The following VTI1A variants were observed in gnomAD, a reference collection of about 807,000 sequenced individuals.
VTI1A encodes vesicle transport through interaction with t-SNAREs homolog 1A.
Under a neutral mutation model 34.9 loss-of-function variants are expected in VTI1A, and 22 were observed. The observed-to-expected ratio is 0.63, with a 90% CI of 0.45 to 0.90. The LOEUF (loss-of-function observed/expected upper bound fraction) is 0.90, where lower values mean the gene tolerates loss of function less well. Ranked by LOEUF, VTI1A falls within the 40% of genes least tolerant of loss-of-function variation. VTI1A has a pLI of 0.00. For missense variants in VTI1A, 268 were observed against 275.6 expected (o/e 0.97, Z 0.20); for synonymous variants, 87 against 97.3 (o/e 0.89, Z 0.62).
chr10:112,667,277 C>T (rs573537637), intron 5 of VTI1A, among the ~76,000 whole-genome samples: 25 of 152,000 alleles, frequency 1.6e-4, no homozygotes, highest in Non-Finnish European at 2.9e-4. Context: ...AGATGTAGAA[C>T]AAGGTAGTCA....
chr10:112,532,164 A>C (rs1040851505), intron 4 of VTI1A, among the ~76,000 whole-genome samples: 1 of 152,204 alleles, frequency 6.6e-6, no homozygotes, highest in Non-Finnish European at 1.5e-5. Context: ...GAAATAACAG[A>C]ATAAGCTGGA....
intron 7 of VTI1A, among the ~76,000 whole-genome samples, chr10:112,749,699 A>C (rs1418401832): frequency 6.6e-6 from 1 of 152,232 alleles, no homozygotes; most frequent in East Asian, 1.9e-4. Context: ...TTAGCAAATA[A>C]TACATATAGG....
intron 3 of VTI1A, among the ~76,000 whole-genome samples, chr10:112,496,265 G>A (rs918258977): frequency 3.7e-5 from 5 of 136,876 alleles, no homozygotes; most frequent in Non-Finnish European, 7.6e-5. Flanking sequence ...CATAGTTGTT[G>A]AAGTATTTAC....
chr10:112,637,224 ATGT>A (rs1846388676), intron 5 of VTI1A, among the ~76,000 whole-genome samples: 1 of 152,106 alleles, frequency 6.6e-6, no homozygotes, highest in Non-Finnish European at 1.5e-5. Context: ...TACTTTTATG[ATGT>A]TTATTCATTG....
chr10:112,751,659 G>A (rs1364896812), intron 7 of VTI1A, among the ~76,000 whole-genome samples: 1 of 152,026 alleles, frequency 6.6e-6, no homozygotes, highest in East Asian at 1.9e-4. Flanking sequence ...CAATAAAGGG[G>A]ATAAAATTGT....
intron 3 of VTI1A, among the ~76,000 whole-genome samples, chr10:112,471,367 A>ATTTTTTTTTTTTTTTTTTT (rs576549183): frequency 1.1e-5 from 1 of 94,398 alleles, no homozygotes; most frequent in Non-Finnish European, 2.1e-5. Flanking sequence ...ATTCTTATTG[A>ATTTTTTTTTTTTTTTTTTT]TTTTTTTTTT....
rs150800689 is a variant in VTI1A, at chr10:112,719,327, T to A, written c.560+50329T>A. On this transcript the variant is annotated intron_variant, in intron 7 of 7. Transcript: ENST00000393077. Reference sequence around the variant, plus strand: ...AGCAGTTGAATGTACAAAGCAATTATCCACATAAAATGCTATTATACAAAC... The same window carrying A: ...AGCAGTTGAATGTACAAAGCAATTAACCACATAAAATGCTATTATACAAAC... Among the ~76,000 whole-genome samples the A allele has an allele frequency of 2.2e-4, 34 of 152,356 alleles. No homozygotes were observed. The East Asian group carries it at 2.7e-3, about 12-fold the overall frequency.
At chr10:112,666,133 C>G (rs1847632183) in intron 5 of VTI1A, among the ~76,000 whole-genome samples, 1 of 152,038 alleles carries the variant, frequency 6.6e-6, no homozygotes, top group African/African-American at 2.4e-5. Context: ...CAGTTGTTTC[C>G]TCCTTCTCCA....
At chr10:112,669,108 G>T in intron 7 of VTI1A, 110 bp downstream of exon 7, 1 of 1,271,500 alleles carries the variant, frequency 7.9e-7, no homozygotes, top group Non-Finnish European at 1.1e-6. Flanking sequence ...TCTGCTCTTA[G>T]TACCCTGTGC....
intron 7 of VTI1A, among the ~76,000 whole-genome samples, chr10:112,786,985 T>C (rs1207750104): frequency 6.6e-6 from 1 of 152,210 alleles, no homozygotes; most frequent in Non-Finnish European, 1.5e-5. Context: ...ACAGTATTAT[T>C]TCTTTCATAA....
intron 7 of VTI1A, among the ~76,000 whole-genome samples, chr10:112,814,389 C>G (rs948286480): frequency 6.6e-6 from 1 of 152,162 alleles, no homozygotes; most frequent in Non-Finnish European, 1.5e-5. Context: ...TCTGTGAGAG[C>G]GAGCGTGGGC....
chr10:112,852,261 C>T, the VTI1A span, among the ~76,000 whole-genome samples: 3 of 152,138 alleles, frequency 2.0e-5, no homozygotes, highest in African/African-American at 7.2e-5. Flanking sequence ...ATGATTCCTA[C>T]ACCTCTAATT....
chr10:112,804,851 ATTTTTTTTTTTT>A (rs138471169), intron 7 of VTI1A, among the ~76,000 whole-genome samples: 3 of 55,326 alleles, frequency 5.4e-5, no homozygotes, highest in Admixed American at 2.8e-4. Flanking sequence ...TAGATTATAG[ATTTTTTTTTTTT>A]TTTTTTTTTT....
chr10:112,568,877 G>A (rs780161871), intron 5 of VTI1A, among the ~76,000 whole-genome samples: 2 of 152,116 alleles, frequency 1.3e-5, no homozygotes, highest in African/African-American at 2.4e-5. Context: ...AAACTCAGCT[G>A]GGCGCGGTGG....
chr10:112,571,805 G>A (rs1047770235), intron 5 of VTI1A, among the ~76,000 whole-genome samples: 3 of 152,124 alleles, frequency 2.0e-5, no homozygotes, highest in Non-Finnish European at 4.4e-5. Flanking sequence ...ATATTACATA[G>A]CCATAAAAAA....
intron 3 of VTI1A, among the ~76,000 whole-genome samples, chr10:112,475,202 A>G (rs747864800): frequency 6.6e-5 from 10 of 152,316 alleles, no homozygotes; most frequent in East Asian, 1.9e-4. Flanking sequence ...CAATGTGACT[A>G]TTTTTATGAT....
At chr10:112,674,486 G>C (rs1311834839) in intron 7 of VTI1A, among the ~76,000 whole-genome samples, 2 of 152,168 alleles carry the variant, frequency 1.3e-5, no homozygotes, top group East Asian at 1.9e-4. Context: ...CCAAACCAAA[G>C]AATAGCTTTG....
intron 5 of VTI1A, among the ~76,000 whole-genome samples, chr10:112,541,246 GGA>G (rs1002741933): frequency 2.0e-5 from 3 of 151,940 alleles, no homozygotes; most frequent in Admixed American, 1.3e-4. Context: ...ATACTGAATT[GGA>G]GAGAGAGAAA....
the VTI1A span, among the ~76,000 whole-genome samples, chr10:112,843,376 C>T: frequency 6.6e-6 from 1 of 152,132 alleles, no homozygotes. Flanking sequence ...AATGGCTGAC[C>T]AGAGTACTGT....
Sources: gnomAD v4.1 joint callset for allele counts (sites outside exome capture counted in the v4.1 genomes callset) on GRCh38, gnomAD v4.1.1 for gene constraint, MANE v1.5 for transcripts, NCBI Gene and HGNC (gene_info 2026-07-23, HGNC 2026-07-21) for gene names.